The following TFAP4 variants were observed in gnomAD, a reference collection of about 807,000 sequenced individuals.
TFAP4 encodes activating enhancer-binding protein 4.
Under a neutral mutation model 40.4 loss-of-function variants are expected in TFAP4, and 7 were observed. The observed-to-expected ratio is 0.17, with a 90% confidence interval of 0.10 to 0.33. The LOEUF is 0.33. Ranked by LOEUF, TFAP4 falls within the 10% of genes least tolerant of loss-of-function variation. TFAP4 has a pLI of 1.00. For synonymous variants in TFAP4, 218 were observed against 181.4 expected (o/e 1.20, Z -1.62); for missense variants, 374 against 451.1 (o/e 0.83, Z 1.55).
intron 1 of TFAP4, chr16:4,265,693 C>T (rs369970805): frequency 1.3e-4 from 20 of 150,476 alleles, no homozygotes; most frequent in African/African-American, 4.2e-4. Flanking sequence ...ATTCACAGAC[C>T]TCGTTGACAT....
chr16:4,262,087 C>A (rs1597312626), intron 3 of TFAP4, 138 bp from the exon 4 acceptor site: 3 of 1,034,516 alleles, frequency 2.9e-6, no homozygotes, highest in East Asian at 5.2e-5. Flanking sequence ...GTCCAACAAA[C>A]CAGCCAAATG....
intron 1 of TFAP4, among the ~76,000 whole-genome samples, chr16:4,269,492 C>CAAAAA (rs60856578): frequency 2.3e-5 from 1 of 43,224 alleles, no homozygotes; most frequent in Non-Finnish European, 4.1e-5. Flanking sequence ...GACTCTGCCT[C>CAAAAA]AAAAAAAAAA....
At chr16:4,258,688 T>G in intron 6 of TFAP4, 1 of 155,304 alleles carries the variant, frequency 6.4e-6, no homozygotes, top group Non-Finnish European at 1.4e-5. Flanking sequence ...AGTCCCGGGA[T>G]TACAGGCATA....
At chr16:4,270,852 C>G (rs1401285264) in intron 1 of TFAP4, among the ~76,000 whole-genome samples, 1 of 152,242 alleles carries the variant, frequency 6.6e-6, no homozygotes, top group Non-Finnish European at 1.5e-5. Context: ...CTGCCCAGCC[C>G]AGCCCTGCAG....
intron 1 of TFAP4, 85 bp downstream of exon 1, chr16:4,272,573 T>C: frequency 3.9e-6 from 4 of 1,024,822 alleles, no homozygotes; most frequent in Non-Finnish European, 5.4e-6. Context: ...GCGCGGGCCA[T>C]GCGTGCGCAC....
intron 4 of TFAP4, among the ~76,000 whole-genome samples, chr16:4,260,903 G>C (rs962757439): frequency 2.6e-5 from 4 of 152,246 alleles, no homozygotes; most frequent in African/African-American, 9.6e-5. Flanking sequence ...ATGCCGTGGG[G>C]CGTCCCTTGA....
In TFAP4 at chr16:4,262,782, T is replaced by C. The variant is rs1030152831; in HGVS notation, c.90-81A>G. ...CCAGAGGGCCCCAGTGGAAACTGCATCCCTCCCCTGCTGCAAAAGATGCCA... is the reference window on the plus strand; with the variant it reads ...CCAGAGGGCCCCAGTGGAAACTGCACCCCTCCCCTGCTGCAAAAGATGCCA... On this transcript the variant is annotated intron_variant, in intron 1 of 6. Transcript: ENST00000204517. 3 of 1,491,934 alleles carry C rather than the reference T, an allele frequency of 2.0e-6. No homozygotes were observed. The African/African-American group carries it at 4.2e-5, about 21-fold the overall frequency. The allele number at this position is 1,491,934 out of a possible 1,614,324, so 92.4% of individuals were successfully genotyped here.
chr16:4,270,344 A>G (rs1336766778), intron 1 of TFAP4, among the ~76,000 whole-genome samples: 1 of 152,186 alleles, frequency 6.6e-6, no homozygotes, highest in Non-Finnish European at 1.5e-5. Flanking sequence ...CCCCTCTGGC[A>G]GGCCTGGGAG....
intron 1 of TFAP4, 69 bp from the exon 2 acceptor site, chr16:4,262,770 G>A: frequency 2.0e-6 from 3 of 1,538,118 alleles, no homozygotes; most frequent in Non-Finnish European, 2.6e-6. Flanking sequence ...GAGGGCCCCA[G>A]TGGAAACTGC....
chr16:4,263,234 G>A, intron 1 of TFAP4: 1 of 155,566 alleles, frequency 6.4e-6, no homozygotes. Flanking sequence ...TCTCTCCTCC[G>A]GAACAGAATT....
intron 6 of TFAP4, among the ~76,000 whole-genome samples, chr16:4,259,233 A>C (rs892469738): frequency 2.0e-5 from 3 of 151,904 alleles, no homozygotes; most frequent in Admixed American, 6.6e-5. Flanking sequence ...TCCCATGTTC[A>C]AGCGATTCTC....
intron 1 of TFAP4, among the ~76,000 whole-genome samples, chr16:4,271,872 G>C (rs1279346456): frequency 1.3e-5 from 2 of 152,198 alleles, no homozygotes; most frequent in African/African-American, 2.4e-5. Flanking sequence ...TGGCCCAGGA[G>C]CGCCTACAAA....
chr16:4,262,172 G>A (rs2052955578), intron 3 of TFAP4, 152 bp downstream of exon 3: 1 of 995,966 alleles, frequency 1.0e-6, no homozygotes. Flanking sequence ...TTGACCGATG[G>A]GGAAACTGAG....
In TFAP4 at chr16:4,261,959, C is replaced by A. The variant is rs768737372; in HGVS notation, c.355-10G>T. On this transcript the variant is annotated splice_polypyrimidine_tract_variant and intron_variant, in intron 3 of 6. Transcript: ENST00000204517. ...ACGAGCCGCTCAGCTCCTGGGGACCCCAAGGAGTCGGTCAGTGTGCCTGAC... is the reference window on the plus strand; with the variant it reads ...ACGAGCCGCTCAGCTCCTGGGGACCACAAGGAGTCGGTCAGTGTGCCTGAC... 2.3e-5 allele frequency: 36 copies of A among 1,595,454 alleles called. No homozygotes were observed. Among genetic ancestry groups the A allele is most frequent in the Non-Finnish European group, 3.0e-5 (35 of 1,173,048 alleles).
intron 1 of TFAP4, among the ~76,000 whole-genome samples, chr16:4,268,754 G>A (rs1440373252): frequency 3.3e-5 from 5 of 151,956 alleles, no homozygotes; most frequent in South Asian, 2.1e-4. Context: ...ATTCACACCC[G>A]GCTAGTTTTT....
At chr16:4,263,196 C>A in intron 1 of TFAP4, 1 of 156,332 alleles carries the variant, frequency 6.4e-6, no homozygotes, top group Non-Finnish European at 1.4e-5. Context: ...AAACCCATCC[C>A]CTCCCTGGCT....
In TFAP4 at chr16:4,260,502, G is replaced by T. The variant is rs768302218; in HGVS notation, c.619C>A (p.Leu207Met). 1.2e-6 allele frequency: 2 copies of T among 1,607,910 alleles called. No homozygotes were observed. The highest frequency in any genetic ancestry group is 1.7e-6 in the Non-Finnish European group (2 of 1,177,466). The change falls in exon 5 of 7, where the codon CTG (leucine) becomes ATG (methionine). Residue 207 changes from leucine to methionine, a missense_variant. Around this residue, in one of 6 missense-constraint regions of TFAP4, gnomAD observed 161 missense variants for 154.2 expected, o/e 1.04. Coordinates refer to ENST00000204517, the MANE Select transcript of TFAP4 (RefSeq NM_003223.3). ...LQQQQEQVRL[L>M]HQEKLEREQQ... Reference sequence around the variant, plus strand: ...TCCCGCTCCAGCTTCTCCTGGTGCAGCAGCCTCACCTGTTCCTGCTGCTGC... The same window carrying T: ...TCCCGCTCCAGCTTCTCCTGGTGCATCAGCCTCACCTGTTCCTGCTGCTGC...
intron 6 of TFAP4, 120 bp from the exon 7 acceptor site, chr16:4,258,369 G>T: frequency 9.9e-7 from 1 of 1,008,836 alleles, no homozygotes; most frequent in Non-Finnish European, 1.4e-6. Flanking sequence ...AAAAAGCCTG[G>T]CAAAGCAGCA....
Position 4,272,642 on chromosome 16 carries a change from G to A in TFAP4, c.89+16C>T, listed in dbSNP as rs367811874. ...TGCAGTGGTAGGAAGGGGGTGGGGGGAGGAGGAGTACACACCTACAGAGCC... is the reference window on the plus strand; with the variant it reads ...TGCAGTGGTAGGAAGGGGGTGGGGGAAGGAGGAGTACACACCTACAGAGCC... On this transcript the variant is annotated intron_variant, in intron 1 of 6. Coordinates refer to ENST00000204517, the MANE Select transcript of TFAP4 (RefSeq NM_003223.3). The A allele has an allele frequency of 1.9e-6, 3 of 1,592,278 alleles. No homozygotes were observed. Among genetic ancestry groups the A allele is most frequent in the Non-Finnish European group, 1.7e-6 (2 of 1,165,486 alleles).
Sources: gnomAD v4.1 joint callset for allele counts (sites outside exome capture counted in the v4.1 genomes callset) on GRCh38, gnomAD v4.1.1 for gene constraint, gnomAD v4.1.1 regional missense constraint, MANE v1.5 for transcripts, NCBI Gene and HGNC (gene_info 2026-07-23, HGNC 2026-07-21) for gene names.